The following RHOJ variants were observed in gnomAD, a reference collection of about 807,000 sequenced individuals.
RHOJ encodes the protein ras homolog family member J, also known as rho-related GTP-binding protein RhoJ.
A neutral mutation model predicts 23.4 loss-of-function variants in RHOJ; 11 were observed. That is an observed-to-expected ratio of 0.47 (90% CI 0.30 to 0.78). The LOEUF is 0.78. RHOJ is among the 30% of genes least tolerant of loss of function. The pLI is 0.08. For missense variants in RHOJ, 254 were observed against 273.4 expected, an observed-to-expected ratio of 0.93 and a Z score of 0.50; for synonymous variants, 102 against 102.7, an observed-to-expected ratio of 0.99 and a Z score of 0.04.
At chr14:63,237,363 T>TA (rs1405426220) in intron 1 of RHOJ, among the ~76,000 whole-genome samples, 1 of 152,204 alleles carries the variant, frequency 6.6e-6, no homozygotes. Context: ...CTTTAAAATT[T>TA]AAAAAGAATA....
intron 4 of RHOJ, among the ~76,000 whole-genome samples, chr14:63,285,418 C>T (rs2139667731): frequency 6.6e-6 from 1 of 152,284 alleles, no homozygotes; most frequent in East Asian, 1.9e-4. Flanking sequence ...AGTTCCCCCC[C>T]AACTTAAAGG....
intron 1 of RHOJ, among the ~76,000 whole-genome samples, chr14:63,215,235 G>A (rs1022396379): frequency 4.6e-5 from 7 of 152,158 alleles, no homozygotes; most frequent in Non-Finnish European, 8.8e-5. Context: ...CTGAAAGAAA[G>A]ATGCATAAAT....
chr14:63,255,832 G>A (rs74059347), intron 1 of RHOJ, among the ~76,000 whole-genome samples: 3,589 of 151,830 alleles, frequency 0.024, 141 homozygotes, highest in African/African-American at 0.079. Context: ...TGGGGCATTC[G>A]CAAATCATTA....
At chr14:63,265,868 A>C (rs1053726389) in intron 1 of RHOJ, among the ~76,000 whole-genome samples, 1 of 152,238 alleles carries the variant, frequency 6.6e-6, no homozygotes, top group African/African-American at 2.4e-5. Flanking sequence ...TCTGTCTGAA[A>C]AGTTGAAATC....
chr14:63,207,445 G>A (rs906802962), intron 1 of RHOJ, among the ~76,000 whole-genome samples: 2 of 152,180 alleles, frequency 1.3e-5, no homozygotes, highest in Non-Finnish European at 2.9e-5. Context: ...AGGCAGTCAC[G>A]TGAGAATCTA....
At chr14:63,251,060 T>A (rs1401740541) in intron 1 of RHOJ, among the ~76,000 whole-genome samples, 2 of 152,050 alleles carry the variant, frequency 1.3e-5, no homozygotes, top group African/African-American at 4.8e-5. Flanking sequence ...TTAATTAATT[T>A]AAAAAATTAA....
chr14:63,219,821 A>G (rs1055996859), intron 1 of RHOJ, among the ~76,000 whole-genome samples: 2 of 152,196 alleles, frequency 1.3e-5, no homozygotes, highest in East Asian at 1.9e-4. Flanking sequence ...TCTCAAAAAA[A>G]AAAAAAAAAG....
chr14:63,267,720 G>T lies in RHOJ; in HGVS notation c.179-1390G>T, dbSNP rs561653088. ...TTGCTAGCCTGACTTGTGAAAGGAAGTGAAAACATTTAAATGTCCTTCTTC... is the reference window on the plus strand; with the variant it reads ...TTGCTAGCCTGACTTGTGAAAGGAATTGAAAACATTTAAATGTCCTTCTTC... On this transcript the variant is annotated intron_variant, in intron 1 of 4. Transcript: ENST00000316754. Among the ~76,000 whole-genome samples the T allele has an allele frequency of 4.6e-5, 7 of 152,358 alleles. No individual in the cohort carries two copies. In the East Asian group the frequency reaches 1.2e-3, roughly 25 times the overall value.
At chr14:63,290,224 A>C (rs900977935) in intron 4 of RHOJ, among the ~76,000 whole-genome samples, 6 of 152,216 alleles carry the variant, frequency 3.9e-5, no homozygotes, top group Admixed American at 2.0e-4. Flanking sequence ...CTGGGCAACA[A>C]GAGCGAAATC....
intron 1 of RHOJ, among the ~76,000 whole-genome samples, chr14:63,261,057 C>T (rs1895263370): frequency 6.6e-6 from 1 of 152,228 alleles, no homozygotes; most frequent in South Asian, 2.1e-4. Flanking sequence ...TTTGCATTTT[C>T]TCCAGCAGTG....
intron 1 of RHOJ, among the ~76,000 whole-genome samples, chr14:63,236,720 A>T (rs892749815): frequency 6.7e-6 from 1 of 149,652 alleles, no homozygotes; most frequent in Non-Finnish European, 1.5e-5. Flanking sequence ...AAGTGTCCTG[A>T]ATTCTCTCTT....
At chr14:63,257,153 G>A (rs951262426) in intron 1 of RHOJ, among the ~76,000 whole-genome samples, 11 of 136,228 alleles carry the variant, frequency 8.1e-5, no homozygotes, top group African/African-American at 3.0e-4. Flanking sequence ...CAGGAGAATT[G>A]TTTAAAACCA....
intron 2 of RHOJ, among the ~76,000 whole-genome samples, chr14:63,276,846 A>T (rs737571): frequency 0.044 from 6,638 of 152,210 alleles, 497 homozygotes; most frequent in African/African-American, 0.15. Flanking sequence ...ACTATTAACA[A>T]CAGTTATTTG....
chr14:63,266,141 T>C (rs1314187474), intron 1 of RHOJ, among the ~76,000 whole-genome samples: 1 of 152,168 alleles, frequency 6.6e-6, no homozygotes, highest in Non-Finnish European at 1.5e-5. Flanking sequence ...TTCAAGGCCA[T>C]TTCAAAATAT....
At chr14:63,259,078 T>C (rs982118759) in intron 1 of RHOJ, among the ~76,000 whole-genome samples, 3 of 152,330 alleles carry the variant, frequency 2.0e-5, no homozygotes, top group Admixed American at 2.0e-4. Context: ...TGGCTGGAAT[T>C]ACAGGTGCGT....
At chr14:63,274,818 T>C (rs1394779853) in intron 2 of RHOJ, among the ~76,000 whole-genome samples, 1 of 152,220 alleles carries the variant, frequency 6.6e-6, no homozygotes, top group Non-Finnish European at 1.5e-5. Context: ...TTAAGCACCA[T>C]GCTATGCACG....
chr14:63,268,102 TA>T (rs1895400159), intron 1 of RHOJ, among the ~76,000 whole-genome samples: 1 of 152,358 alleles, frequency 6.6e-6, no homozygotes, highest in African/African-American at 2.4e-5. Flanking sequence ...CCTGCACAGC[TA>T]ATGATAGGAG....
intron 1 of RHOJ, among the ~76,000 whole-genome samples, chr14:63,223,279 A>C (rs1387865188): frequency 1.3e-5 from 2 of 152,166 alleles, no homozygotes; most frequent in African/African-American, 4.8e-5. Flanking sequence ...TCTATCTCCA[A>C]GGCCCCACCC....
intron 1 of RHOJ, among the ~76,000 whole-genome samples, chr14:63,242,517 A>G (rs1029872032): frequency 1.6e-4 from 25 of 152,258 alleles, no homozygotes; most frequent in African/African-American, 5.8e-4. Flanking sequence ...TGAGTGAGCT[A>G]TGATTGTGCC....
Sources: allele counts gnomAD v4.1 joint callset (sites outside exome capture counted in the v4.1 genomes callset), GRCh38; gene constraint gnomAD v4.1.1; transcripts MANE v1.5; gene names NCBI Gene and HGNC (gene_info 2026-07-23, HGNC 2026-07-21).